Variants in FBLN7 observed in about 807,000 individuals in gnomAD.
FBLN7 encodes fibulin-7.
FBLN7 carries 31 observed loss-of-function variants against 44.0 expected under a neutral mutation model. The observed-to-expected ratio is 0.70, with a 90% confidence interval of 0.53 to 0.95. The LOEUF is 0.95. FBLN7 is among the 40% of genes least tolerant of loss of function. FBLN7 has a pLI of 0.00. For missense variants in FBLN7, 573 were observed against 618.5 expected, an observed-to-expected ratio of 0.93 and a Z score of 0.78; for synonymous variants, 262 against 253.4, an observed-to-expected ratio of 1.03 and a Z score of -0.32.
chr2:112,174,708 T>C (rs1488496226), intron 3 of FBLN7, among the ~76,000 whole-genome samples: 1 of 152,106 alleles, frequency 6.6e-6, no homozygotes, highest in East Asian at 1.9e-4. Flanking sequence ...GTTTGTTTGG[T>C]TGGTTGGTTT....
the FBLN7 span, among the ~76,000 whole-genome samples, chr2:112,216,683 C>CAAAAAA: frequency 1.7e-5 from 2 of 121,030 alleles, no homozygotes; most frequent in East Asian, 2.3e-4. Flanking sequence ...AGAACTGAAG[C>CAAAAAA]AAAAAAAAAA....
chr2:112,185,260 AC>A lies in FBLN7; in HGVS notation c.870del (p.Gly291ValfsTer18). 1 of 1,613,996 alleles carries A rather than the reference AC, an allele frequency of 6.2e-7. No individual in the cohort carries two copies. Among genetic ancestry groups the A allele is most frequent in the Non-Finnish European group, 8.5e-7 (1 of 1,179,912 alleles). On this transcript the variant is annotated frameshift_variant, in exon 7 of 8. Coordinates refer to ENST00000331203, the MANE Select transcript of FBLN7 (RefSeq NM_153214.3). LOFTEE classifies it high-confidence loss of function. Reference protein sequence around the residue: ...VCPQGTTCINTGGSFQCVSPE... With the variant: ...VCPQGTTCINXGGSFQCVSPE... ...CCCCCAGGGGACCACATGCATCAAC[AC>A]CGGTGGAAGCTTCCAGTGTGTCAGC...
the FBLN7 span, among the ~76,000 whole-genome samples, chr2:112,227,564 C>T: frequency 3.3e-5 from 5 of 152,170 alleles, no homozygotes; most frequent in Admixed American, 3.3e-4. Context: ...CCTACATATA[C>T]AAATTCCTAA....
intron 3 of FBLN7, among the ~76,000 whole-genome samples, chr2:112,174,904 C>A (rs924757520): frequency 5.3e-5 from 8 of 151,822 alleles, no homozygotes; most frequent in Admixed American, 2.0e-4. Flanking sequence ...TTAAAACAAT[C>A]ATTTTTTTTC....
intron 5 of FBLN7, 117 bp from the exon 6 acceptor site, chr2:112,182,659 GGCTGCCCGAGGCCCA>G: frequency 9.0e-7 from 1 of 1,108,066 alleles, no homozygotes; most frequent in African/African-American, 1.6e-5. Context: ...AGGGCATGGC[GGCTGCCCGAGGCCCA>G]GCCACTTAAC....
Position 112,165,145 on chromosome 2 carries a change from G to A in FBLN7, c.380G>A (p.Trp127Ter). 6.2e-7 allele frequency: 1 copy of A among 1,614,194 alleles called. No homozygotes were observed. The highest frequency in any genetic ancestry group is 8.5e-7 in the Non-Finnish European group (1 of 1,180,036). ...GTGGTGTGTCTTCCCAATGGCACCT[G>A]GACAGGGGAGCAGCCCCACTGTAGA... is the stretch of plus-strand genomic sequence containing the variant. ...SSVVCLPNGTWTGEQPHCRGI... is the reference protein window; with the variant it reads ...SSVVCLPNGT The change falls in exon 3 of 8, where the codon TGG becomes TAG. Residue 127 changes from tryptophan to a stop codon, truncating the protein, a stop_gained. Transcript: ENST00000331203. LOFTEE classifies it high-confidence loss of function.
chr2:112,230,305 G>C, the FBLN7 span, among the ~76,000 whole-genome samples: 1 of 152,094 alleles, frequency 6.6e-6, no homozygotes, highest in African/African-American at 2.4e-5. Context: ...GAAAAAAACT[G>C]ATATTATATT....
chr2:112,191,111 G>A (rs1683474109), downstream of FBLN7, among the ~76,000 whole-genome samples: 1 of 151,926 alleles, frequency 6.6e-6, no homozygotes, highest in South Asian at 2.1e-4. Flanking sequence ...TGAGTAGCTG[G>A]GACTACAGGT....
At position 112,182,891 on chromosome 2, in the gene FBLN7, T is replaced by A; in HGVS notation, c.771T>A (p.Gly257=). Residue 257 remains glycine, a synonymous_variant, in exon 6 of 8, where the codon GGT becomes GGA. Coordinates refer to ENST00000331203, the MANE Select transcript of FBLN7 (RefSeq NM_153214.3). ...GCTCTTACCGTTGCACCTGCCCCGG[T>A]GGATACCGAACTCTGGCTGACGGGA... ...TPGSYRCTCP[G]GYRTLADGKS... 1 of 1,612,988 alleles carries A rather than the reference T, an allele frequency of 6.2e-7. No individual in the cohort carries two copies. Among genetic ancestry groups the A allele is most frequent in the East Asian group, 2.2e-5 (1 of 44,878 alleles).
chr2:112,171,328 A>G (rs1178536625), intron 3 of FBLN7, among the ~76,000 whole-genome samples: 1 of 152,086 alleles, frequency 6.6e-6, no homozygotes, highest in Non-Finnish European at 1.5e-5. Context: ...TCAAATGGAG[A>G]AGGAGGAGGG....
downstream of FBLN7, chr2:112,190,512 C>G (rs1025140168): frequency 2.0e-5 from 3 of 152,114 alleles, no homozygotes; most frequent in Non-Finnish European, 4.4e-5. Flanking sequence ...TTCCAACATG[C>G]CCTGTGAGAG....
chr2:112,219,235 A>C, the FBLN7 span, among the ~76,000 whole-genome samples: 1 of 152,192 alleles, frequency 6.6e-6, no homozygotes, highest in African/African-American at 2.4e-5. Flanking sequence ...CATAAAAGAT[A>C]GACATATAGA....
chr2:112,169,346 C>T (rs549786131), intron 3 of FBLN7, among the ~76,000 whole-genome samples: 1 of 152,252 alleles, frequency 6.6e-6, no homozygotes, highest in South Asian at 2.1e-4. Context: ...CTCCAGAACT[C>T]CAGAGTGGAA....
intron 2 of FBLN7, among the ~76,000 whole-genome samples, chr2:112,160,756 ACACG>A (rs1251715285): frequency 1.2e-5 from 1 of 85,614 alleles, no homozygotes; most frequent in Non-Finnish European, 2.6e-5. Flanking sequence ...GCGCACGCAC[ACACG>A]CACGCACACG....
At chr2:112,148,382 G>C (rs1434558261) in intron 1 of FBLN7, among the ~76,000 whole-genome samples, 1 of 152,214 alleles carries the variant, frequency 6.6e-6, no homozygotes, top group East Asian at 1.9e-4. Flanking sequence ...AACAGCAGGG[G>C]CTTGTGAATC....
the FBLN7 span, chr2:112,240,589 C>T: frequency 6.6e-5 from 10 of 152,148 alleles, no homozygotes; most frequent in African/African-American, 1.9e-4. Context: ...ACTCCTTTTA[C>T]GACAAGTAAT....
downstream of FBLN7, chr2:112,190,407 C>A (rs1407385038): frequency 6.6e-6 from 1 of 152,002 alleles, no homozygotes; most frequent in Non-Finnish European, 1.5e-5. Context: ...ATTTGGTTAC[C>A]CTGAGATTTG....
chr2:112,210,361 A>G, the FBLN7 span, among the ~76,000 whole-genome samples: 1 of 152,088 alleles, frequency 6.6e-6, no homozygotes, highest in Admixed American at 6.6e-5. Flanking sequence ...GTTAAAAATA[A>G]GGAAAGGTAA....
chr2:112,172,078 A>G (rs1037286366), intron 3 of FBLN7, among the ~76,000 whole-genome samples: 3 of 152,204 alleles, frequency 2.0e-5, no homozygotes, highest in Admixed American at 1.3e-4. Context: ...TTTTTTCACT[A>G]TGGAAAGTTT....
Sources: allele counts gnomAD v4.1 joint callset (sites outside exome capture counted in the v4.1 genomes callset), GRCh38; gene constraint gnomAD v4.1.1; transcripts MANE v1.5; gene names NCBI Gene and HGNC (gene_info 2026-07-23, HGNC 2026-07-21).